Variants in RRAGC observed in about 807,000 individuals in gnomAD.
The protein encoded by RRAGC is ras-related GTP-binding protein C.
Under a neutral mutation model 37.1 loss-of-function variants are expected in RRAGC, and 8 were observed. That is an observed-to-expected ratio of 0.22 (90% CI 0.13 to 0.39). The LOEUF (loss-of-function observed/expected upper bound fraction) is 0.39. Among genes scored for constraint, RRAGC ranks in the 10% least tolerant of loss-of-function variants. The pLI, the probability that RRAGC is intolerant of heterozygous loss-of-function variation, is 1.00. For synonymous variants in RRAGC, 190 were observed against 181.1 expected (o/e 1.05, Z -0.39); for missense variants, 342 against 497.6 (o/e 0.69, Z 2.98).
intron 5 of RRAGC, among the ~76,000 whole-genome samples, chr1:38,849,370 T>A (rs1298354786): frequency 1.3e-5 from 2 of 152,202 alleles, no homozygotes; most frequent in Non-Finnish European, 2.9e-5. Flanking sequence ...GCTAATATAA[T>A]GTACTTTATT....
intron 6 of RRAGC, among the ~76,000 whole-genome samples, chr1:38,844,515 A>C (rs1325998353): frequency 6.6e-6 from 1 of 152,068 alleles, no homozygotes; most frequent in Non-Finnish European, 1.5e-5. Flanking sequence ...AAATATCCCA[A>C]GAATTCAGCT....
At position 38,851,719 on chromosome 1, in the gene RRAGC, G is replaced by C. The variant is rs1482000256; in HGVS notation, c.795C>G (p.Val265=). 1 of 1,608,218 alleles carries C rather than the reference G, an allele frequency of 6.2e-7. No individual in the cohort carries two copies. The highest frequency in any genetic ancestry group is 8.5e-7 in the Non-Finnish European group (1 of 1,178,304). The change falls in exon 5 of 7, where the codon GTC becomes GTG. Residue 265 remains valine, a synonymous_variant. Coordinates refer to ENST00000373001, the MANE Select transcript of RRAGC (RefSeq NM_022157.4). ...GIEKAFLFDV[V]SKIYIATDSS... ...TGTCTGTTGCAATGTAGATTTTGCT[G>C]ACAACATCAAAGAGAAAAGCTTTTT... is the stretch of plus-strand genomic sequence containing the variant.
intron 1 of RRAGC, among the ~76,000 whole-genome samples, chr1:38,858,012 T>C (rs1307887299): frequency 6.6e-6 from 1 of 151,990 alleles, no homozygotes; most frequent in Non-Finnish European, 1.5e-5. Context: ...AGTTCTAACA[T>C]AAAACTACTT....
chr1:38,859,278 C>T, intron 1 of RRAGC, 132 bp downstream of exon 1: 1 of 885,328 alleles, frequency 1.1e-6, no homozygotes, highest in Non-Finnish European at 1.7e-6. Context: ...CCTGTGCGCT[C>T]GCAAGAGTGG....
At chr1:38,856,693 G>A in intron 2 of RRAGC, 186 bp downstream of exon 2, 1 of 552,444 alleles carries the variant, frequency 1.8e-6, no homozygotes, top group South Asian at 2.6e-5. Context: ...CTAATCATCT[G>A]ATATTCTGTA....
At chr1:38,857,566 T>C (rs1642182363) in intron 1 of RRAGC, among the ~76,000 whole-genome samples, 1 of 151,806 alleles carries the variant, frequency 6.6e-6, no homozygotes, top group African/African-American at 2.4e-5. Flanking sequence ...GCAGTAACTA[T>C]ACCAAGTAGA....
intron 3 of RRAGC, 36 bp from the exon 4 acceptor site, chr1:38,852,524 AT>A (rs943193763): frequency 2.1e-6 from 2 of 962,076 alleles, no homozygotes; most frequent in Non-Finnish European, 3.3e-6. Context: ...AATTTGAAAA[AT>A]ACCTTATGTT....
Position 38,851,607 on chromosome 1 carries a change from T to C in RRAGC, c.899+8A>G. The C allele has an allele frequency of 6.6e-7, 1 of 1,511,718 alleles. No homozygotes were observed. The highest frequency in any genetic ancestry group is 8.8e-7 in the Non-Finnish European group (1 of 1,137,216). The allele number at this position is 1,511,718 out of a possible 1,614,324, so 93.6% of individuals were successfully genotyped here. A position where few individuals can be genotyped will look rare whatever the true frequency, so the allele number is the denominator to read the frequency against. On this transcript the variant is annotated splice_region_variant and intron_variant, in intron 5 of 6. Transcript: ENST00000373001. ...CTGAGATATTGCAGGAATATATACA[T>C]AACTTACCCATATATACAAGACACA... is the stretch of plus-strand genomic sequence containing the variant.
intron 6 of RRAGC, among the ~76,000 whole-genome samples, chr1:38,840,655 G>T (rs551048957): frequency 1.3e-5 from 2 of 152,086 alleles, no homozygotes; most frequent in Non-Finnish European, 2.9e-5. Flanking sequence ...GCAGAAAAGG[G>T]GAACAAAATC....
intron 5 of RRAGC, 148 bp downstream of exon 5, chr1:38,851,467 C>T: frequency 1.6e-6 from 1 of 610,038 alleles, no homozygotes; most frequent in Non-Finnish European, 2.6e-6. Context: ...CCAGAGAAAT[C>T]ATGCTCCAAG....
chr1:38,852,976 T>C (rs1642119018), intron 3 of RRAGC, among the ~76,000 whole-genome samples: 1 of 152,240 alleles, frequency 6.6e-6, no homozygotes, highest in Admixed American at 6.5e-5. Flanking sequence ...TAATTTGTTT[T>C]TCTTCACACC....
rs1641912439 is a variant in RRAGC, at chr1:38,838,624, C to A, written c.*929G>T. 6.6e-6 allele frequency: 1 copy of A among 152,220 alleles called. No individual in the cohort carries two copies. Among genetic ancestry groups the A allele is most frequent in the South Asian group, 2.1e-4 (1 of 4,826 alleles). 9.4% of individuals were successfully genotyped at this position (152,220 alleles called of 1,614,324 possible). On this transcript the variant is annotated 3_prime_UTR_variant, in exon 7 of 7. Transcript: ENST00000373001. ...CCTGTTGCAGCACCACGTGCTCACT[C>A]CAACTCCCAGTGGACAGTCCCCCAA...
intron 6 of RRAGC, among the ~76,000 whole-genome samples, chr1:38,845,037 T>G (rs1222914407): frequency 6.6e-6 from 1 of 152,180 alleles, no homozygotes; most frequent in Non-Finnish European, 1.5e-5. Context: ...GCAGTGTAAA[T>G]TATTTCAACC....
At chr1:38,859,237 C>G (rs1403664486) in intron 1 of RRAGC, among the ~76,000 whole-genome samples, 173 bp downstream of exon 1, 1 of 152,252 alleles carries the variant, frequency 6.6e-6, no homozygotes, top group East Asian at 1.9e-4. Context: ...TGGGCGTGGA[C>G]ACAGAGGTCG....
intron 1 of RRAGC, among the ~76,000 whole-genome samples, chr1:38,859,004 G>C (rs1036099404): frequency 2.0e-5 from 3 of 152,354 alleles, no homozygotes; most frequent in African/African-American, 7.2e-5. Flanking sequence ...GGCTCTGCTG[G>C]GAATCCCGAA....
chr1:38,847,506 T>C (rs939214581), intron 5 of RRAGC: 2 of 152,056 alleles, frequency 1.3e-5, no homozygotes, highest in Admixed American at 6.6e-5. Context: ...TGTTAGTGGT[T>C]GACTTGAGTA....
At chr1:38,857,306 C>A (rs771679256) in intron 1 of RRAGC, among the ~76,000 whole-genome samples, 72 of 152,172 alleles carry the variant, frequency 4.7e-4, no homozygotes, top group Non-Finnish European at 9.0e-4. Flanking sequence ...TAAATCTTTT[C>A]TCCTATGTTC....
intron 6 of RRAGC, among the ~76,000 whole-genome samples, chr1:38,843,258 G>A (rs187695774): frequency 5.4e-4 from 82 of 152,042 alleles, no homozygotes; most frequent in Middle Eastern, 3.4e-3. Context: ...TTGAGCCCAC[G>A]AGTTTGAGGC....
chr1:38,854,375 A>G (rs1410513431), intron 3 of RRAGC, among the ~76,000 whole-genome samples: 1 of 152,186 alleles, frequency 6.6e-6, no homozygotes, highest in African/African-American at 2.4e-5. Context: ...GGCCTAAATA[A>G]AAGCTTGATG....
Sources: allele counts gnomAD v4.1 joint callset (sites outside exome capture counted in the v4.1 genomes callset), GRCh38; gene constraint gnomAD v4.1.1; transcripts MANE v1.5; gene names NCBI Gene and HGNC (gene_info 2026-07-23, HGNC 2026-07-21).